The following CFAP61 variants were observed in gnomAD, a reference collection of about 807,000 sequenced individuals.
CFAP61 encodes the protein cilia and flagella associated protein 61, also known as cilia- and flagella-associated protein 61.
A neutral mutation model predicts 135.6 loss-of-function variants in CFAP61; 107 were observed. That is an observed-to-expected ratio of 0.79 (90% CI 0.67 to 0.93). CFAP61 has a LOEUF of 0.93. CFAP61 is among the 40% of genes least tolerant of loss of function. The pLI is 0.00. For missense variants in CFAP61, 1,507 were observed against 1,556.2 expected (o/e 0.97, Z 0.53); for synonymous variants, 575 against 578.5 (o/e 0.99, Z 0.09).
Position 20,288,895 on chromosome 20 carries a change from T to C in CFAP61, c.3083T>C (p.Leu1028Pro), listed in dbSNP as rs145818755. 4.3e-6 allele frequency: 7 copies of C among 1,612,936 alleles called. No individual in the cohort carries two copies. Among genetic ancestry groups the C allele is most frequent in the Non-Finnish European group, 5.9e-6 (7 of 1,179,036 alleles). Residue 1028 changes from leucine to proline, a missense_variant, in exon 23 of 27, where the codon CTT becomes CCT. Physicochemically the swap from Leu to Pro is moderately conservative, Grantham distance 98. Transcript: ENST00000245957. ...CCTGTGACCGAGCCACCAGCTAATC[T>C]TGACCGGCTCATCCCCATGTACAAG... The part of the protein sequence containing the change: ...LEPVTEPPAN[L>P]DRLIPMYKGA...
chr20:20,224,915 A>G (rs1190855586), intron 17 of CFAP61, among the ~76,000 whole-genome samples: 1 of 152,216 alleles, frequency 6.6e-6, no homozygotes, highest in African/African-American at 2.4e-5. Flanking sequence ...GTGAGTCAAG[A>G]ACTAGGGCTT....
At chr20:20,055,451 A>G (rs992944921) in intron 1 of CFAP61, among the ~76,000 whole-genome samples, 1 of 152,124 alleles carries the variant, frequency 6.6e-6, no homozygotes, top group African/African-American at 2.4e-5. Flanking sequence ...GGGCCCATCC[A>G]AAGTCCCAGG....
intron 8 of CFAP61, among the ~76,000 whole-genome samples, chr20:20,127,408 G>T (rs1194739983): frequency 6.6e-6 from 1 of 151,752 alleles, no homozygotes; most frequent in Non-Finnish European, 1.5e-5. Context: ...GTCCCACAGG[G>T]TGTTCCTTTG....
intron 24 of CFAP61, among the ~76,000 whole-genome samples, chr20:20,293,039 G>T (rs934949876): frequency 2.0e-5 from 3 of 152,184 alleles, no homozygotes; most frequent in African/African-American, 7.2e-5. Flanking sequence ...GTGAGGTGGG[G>T]CATGAGGTAA....
chr20:20,292,577 A>G (rs927751418), intron 24 of CFAP61, among the ~76,000 whole-genome samples: 3 of 152,228 alleles, frequency 2.0e-5, no homozygotes, highest in Non-Finnish European at 4.4e-5. Context: ...TTAGATGGGA[A>G]GACTAGAGGG....
At chr20:20,099,851 C>T (rs1440466399) in intron 8 of CFAP61, among the ~76,000 whole-genome samples, 1 of 152,192 alleles carries the variant, frequency 6.6e-6, no homozygotes, top group Non-Finnish European at 1.5e-5. Context: ...AAGGCAGTGA[C>T]TTGGCTAAGC....
At chr20:20,190,182 T>C (rs559578050) in intron 14 of CFAP61, among the ~76,000 whole-genome samples, 4 of 152,372 alleles carry the variant, frequency 2.6e-5, no homozygotes, top group Middle Eastern at 3.4e-3. Context: ...TTTACACTAA[T>C]GTTCATAGCA....
At chr20:20,233,452 G>A (rs1396286110) in intron 18 of CFAP61, among the ~76,000 whole-genome samples, 1 of 152,180 alleles carries the variant, frequency 6.6e-6, no homozygotes, top group African/African-American at 2.4e-5. Context: ...GCCGTCCTCC[G>A]ATGTGCCCAA....
chr20:20,095,859 G>A (rs887283512), intron 7 of CFAP61, among the ~76,000 whole-genome samples: 1 of 152,210 alleles, frequency 6.6e-6, no homozygotes, highest in Non-Finnish European at 1.5e-5. Flanking sequence ...AAAGGGATGG[G>A]TGGCTGTAGG....
At chr20:20,265,474 C>T (rs745772742) in intron 21 of CFAP61, 2 of 779,746 alleles carry the variant, frequency 2.6e-6, no homozygotes, top group South Asian at 2.7e-5. Flanking sequence ...GATGGTGATG[C>T]TGTGGTGCCC....
At chr20:20,196,854 C>A in intron 16 of CFAP61, 78 bp downstream of exon 16, 2 of 1,206,488 alleles carry the variant, frequency 1.7e-6, no homozygotes, top group Non-Finnish European at 2.5e-6. Context: ...GCATTCTATT[C>A]ATTCCTCTCA....
At chr20:20,222,579 AAG>A (rs1281117659) in intron 17 of CFAP61, among the ~76,000 whole-genome samples, 6 of 152,184 alleles carry the variant, frequency 3.9e-5, no homozygotes, top group Non-Finnish European at 7.3e-5. Context: ...TTCATAAAGC[AAG>A]TCTCAAAACC....
chr20:20,133,462 A>G (rs963556806), intron 8 of CFAP61, among the ~76,000 whole-genome samples: 11 of 152,206 alleles, frequency 7.2e-5, no homozygotes, highest in African/African-American at 2.7e-4. Flanking sequence ...GCAAGACCTC[A>G]GAAGGTTTAG....
chr20:20,129,863 T>C (rs1490771733), intron 8 of CFAP61, among the ~76,000 whole-genome samples: 1 of 151,756 alleles, frequency 6.6e-6, no homozygotes, highest in African/African-American at 2.4e-5. Context: ...TTTTTCAGTT[T>C]ATTTGCTACA....
intron 18 of CFAP61, among the ~76,000 whole-genome samples, chr20:20,245,384 T>A (rs2050365766): frequency 6.6e-6 from 1 of 152,148 alleles, no homozygotes; most frequent in African/African-American, 2.4e-5. Context: ...GAGGAACAAG[T>A]CACGTCTTAT....
chr20:20,071,055 A>T, intron 3 of CFAP61, 51 bp downstream of exon 3: 1 of 1,573,408 alleles, frequency 6.4e-7, no homozygotes, highest in Non-Finnish European at 8.7e-7. Flanking sequence ...CTTGAGGGGA[A>T]GTCCTGTGTT....
intron 8 of CFAP61, among the ~76,000 whole-genome samples, chr20:20,133,164 A>T (rs2050669241): frequency 6.6e-6 from 1 of 152,220 alleles, no homozygotes; most frequent in Non-Finnish European, 1.5e-5. Context: ...TGATTCTATT[A>T]CTTCTTGCAA....
intron 2 of CFAP61, among the ~76,000 whole-genome samples, chr20:20,067,702 T>C (rs952864527): frequency 6.9e-6 from 1 of 145,336 alleles, no homozygotes; most frequent in Non-Finnish European, 1.5e-5. Flanking sequence ...TTTTATATAT[T>C]CATATTTTAT....
intron 9 of CFAP61, among the ~76,000 whole-genome samples, chr20:20,157,431 T>C (rs1195931985): frequency 6.6e-6 from 1 of 152,212 alleles, no homozygotes; most frequent in Non-Finnish European, 1.5e-5. Flanking sequence ...AGGTCAACAG[T>C]AGGTTAATGG....
Sources: allele counts gnomAD v4.1 joint callset (sites outside exome capture counted in the v4.1 genomes callset), GRCh38; gene constraint gnomAD v4.1.1; transcripts MANE v1.5; gene names NCBI Gene and HGNC (gene_info 2026-07-23, HGNC 2026-07-21).